The following KDM1B variants were observed in gnomAD, a reference collection of about 807,000 sequenced individuals.
KDM1B encodes lysine demethylase 1B, also known as lysine-specific histone demethylase 2.
Under a neutral mutation model 107.4 loss-of-function variants are expected in KDM1B, and 63 were observed. The observed-to-expected ratio is 0.59, with a 90% CI of 0.48 to 0.72. The LOEUF (loss-of-function observed/expected upper bound fraction) is 0.72. Ranked by LOEUF, KDM1B falls within the 30% of genes least tolerant of loss-of-function variation. The pLI is 0.00. For synonymous variants in KDM1B, 363 were observed against 363.9 expected (o/e 1.00, Z 0.03); for missense variants, 749 against 1,020.8 (o/e 0.73, Z 3.63).
chr6:18,160,738 A>T (rs1384432521), intron 3 of KDM1B, among the ~76,000 whole-genome samples: 1 of 59,688 alleles, frequency 1.7e-5, no homozygotes, highest in Non-Finnish European at 3.6e-5. Flanking sequence ...ACTCTGTCTC[A>T]AAAAAAAAAA....
In KDM1B at chr6:18,217,663, T is replaced by C. The variant is rs1303054590; in HGVS notation, c.2233-70T>C. 3 of 1,331,210 alleles carry C rather than the reference T, an allele frequency of 2.3e-6. No individual in the cohort carries two copies. The African/African-American group carries it at 4.4e-5, about 19-fold the overall frequency. The allele number at this position is 1,331,210 out of a possible 1,614,324, so 82.5% of individuals were successfully genotyped here. On this transcript the variant is annotated intron_variant, in intron 20 of 21. Coordinates refer to ENST00000650836, the MANE Select transcript of KDM1B (RefSeq NM_001364614.2). ...AAGTGCTGGGATGGGACTACAGGCA[T>C]GAGTCACTGCGCCCTGCCATCTACA...
rs1288768773 is a variant in KDM1B at position 18,159,037 on chromosome 6, G to A, written c.-13-846G>A. Among the ~76,000 whole-genome samples, 4 of 152,058 alleles carry A rather than the reference G, an allele frequency of 2.6e-5. No homozygotes were observed. Among genetic ancestry groups the A allele is most frequent in the Non-Finnish European group, 2.9e-5 (2 of 67,994 alleles). On this transcript the variant is annotated intron_variant, in intron 2 of 21. Coordinates refer to ENST00000650836, the MANE Select transcript of KDM1B (RefSeq NM_001364614.2). The surrounding 1 kb of genome is among the most constrained non-coding windows in gnomAD (Gnocchi z 4.5). ...GGCTGGAGTGCAGTAGCACAATCTC[G>A]GCTCACTGCAACCTCCGCCTCCCTG...
In KDM1B at chr6:18,186,219, A is replaced by T. The variant is rs1187176821; in HGVS notation, c.573+409A>T. Reference sequence around the variant, plus strand: ...TTCAGCTGCAGGAGTGTTCTTATGCATTCTGACCTCAGCATGTTGGCTTTG... The same window carrying T: ...TTCAGCTGCAGGAGTGTTCTTATGCTTTCTGACCTCAGCATGTTGGCTTTG... On this transcript the variant is annotated intron_variant, in intron 8 of 21. Transcript: ENST00000650836. This position sits in a 1 kb window ranked among gnomAD's most constrained non-coding sequence, Gnocchi z 5.6. 6.6e-6 allele frequency among the ~76,000 whole-genome samples: 1 copy of T among 152,138 alleles called. No homozygotes were observed. The highest frequency in any genetic ancestry group is 1.5e-5 in the Non-Finnish European group (1 of 68,034).
intron 7 of KDM1B, among the ~76,000 whole-genome samples, chr6:18,182,294 C>A (rs1582128548): frequency 1.3e-5 from 2 of 152,108 alleles, no homozygotes; most frequent in South Asian, 4.1e-4. Flanking sequence ...GAATCGATTA[C>A]TCTCCACAAC....
rs1472064586 is a variant in KDM1B, at chr6:18,191,595, A to AG, written c.969+214_969+215insG. ...TGGCTTCTACCCACTAGATTCCAGT[A>AG]ATGCTTCCCACCTGTGAAAACCAAA... On this transcript the variant is annotated intron_variant, in intron 10 of 21. Transcript: ENST00000650836. This position sits in a 1 kb window ranked among gnomAD's most constrained non-coding sequence, Gnocchi z 5.1. Among the ~76,000 whole-genome samples, 1 of 152,160 alleles carries AG rather than the reference A, an allele frequency of 6.6e-6. No homozygotes were observed. Among genetic ancestry groups the AG allele is most frequent in the Non-Finnish European group, 1.5e-5 (1 of 68,036 alleles).
rs1789966249 is a variant in KDM1B, at chr6:18,223,648, CT to C, written c.*1658del. ...AAGTATGGTAAATGTGTGTTTTAAA[CT>C]TCCTATCAAGTGACATACTTCATTT... On this transcript the variant is annotated 3_prime_UTR_variant, in exon 22 of 22. Coordinates refer to ENST00000650836, the MANE Select transcript of KDM1B (RefSeq NM_001364614.2). 6.6e-6 allele frequency: 1 copy of C among 152,116 alleles called. No homozygotes were observed. The highest frequency in any genetic ancestry group is 1.5e-5 in the Non-Finnish European group (1 of 68,036). The allele number at this position is 152,116 out of a possible 1,614,324, so 9.4% of individuals were successfully genotyped here. A position where few individuals can be genotyped will look rare whatever the true frequency, so the allele number is the denominator to read the frequency against.
Position 18,162,952 on chromosome 6 carries a change from C to T in KDM1B, c.305+28C>T. ...ATGTTCACTAATTGTGTGAGGTTTC[C>T]CTGGAGAAGGGGACCGTGGCAGGGG... On this transcript the variant is annotated intron_variant, in intron 5 of 21. Coordinates refer to ENST00000650836, the MANE Select transcript of KDM1B (RefSeq NM_001364614.2). This position sits in a 1 kb window ranked among gnomAD's most constrained non-coding sequence, Gnocchi z 4.1. 1.4e-6 allele frequency: 2 copies of T among 1,426,484 alleles called. 1 individual carries two copies. Among genetic ancestry groups the T allele is most frequent in the South Asian group, 2.3e-5 (2 of 87,082 alleles). 88.4% of individuals were successfully genotyped at this position (1,426,484 alleles called of 1,614,324 possible). A position where few individuals can be genotyped will look rare whatever the true frequency, so the allele number is the denominator to read the frequency against.
At chr6:18,215,636 A>G (rs1273196223) in intron 20 of KDM1B, among the ~76,000 whole-genome samples, 5 of 152,112 alleles carry the variant, frequency 3.3e-5, no homozygotes, top group Non-Finnish European at 7.4e-5. Context: ...GGGTGTCCAC[A>G]TGGGAATTTG....
At chr6:18,210,354 T>TTTTG (rs1788757580) in intron 17 of KDM1B, among the ~76,000 whole-genome samples, 1 of 47,670 alleles carries the variant, frequency 2.1e-5, no homozygotes, top group Non-Finnish European at 4.0e-5. Context: ...TTTTTTTTTT[T>TTTTG]TTTTTTTTTT....
Position 18,213,748 on chromosome 6 carries a change from G to A in KDM1B, c.2076G>A (p.Gly692=). 1 of 1,614,130 alleles carries A rather than the reference G, an allele frequency of 6.2e-7. No homozygotes were observed. The highest frequency in any genetic ancestry group is 8.5e-7 in the Non-Finnish European group (1 of 1,179,972). Residue 692 remains glycine, a synonymous_variant, in exon 19 of 22, where the codon GGG becomes GGA. Transcript: ENST00000650836. The surrounding 1 kb of genome is among the most constrained non-coding windows in gnomAD (Gnocchi z 5.9). The part of the protein sequence containing the change: ...GHVPPSASKR[G]LFAVFYDMDP... ...TTCCTCCCAGTGCCAGCAAGCGAGG[G>A]CTTTTTGCCGTGTTCTATGACATGG...
Position 18,197,260 on chromosome 6 carries a change from C to T in KDM1B, c.1146+27C>T. On this transcript the variant is annotated intron_variant, in intron 11 of 21. Transcript: ENST00000650836. The surrounding 1 kb of genome is among the most constrained non-coding windows in gnomAD (Gnocchi z 4.5). ...TAGGTGATTATAGCTTTAGCGATAG[C>T]CTTGCCATTGATCAGGACAAACGCT... The T allele has an allele frequency of 6.3e-7, 1 of 1,595,166 alleles. No homozygotes were observed. The highest frequency in any genetic ancestry group is 1.1e-5 in the South Asian group (1 of 90,196).
intron 6 of KDM1B, among the ~76,000 whole-genome samples, chr6:18,171,092 T>C (rs907917268): frequency 2.0e-5 from 3 of 152,172 alleles, no homozygotes; most frequent in African/African-American, 7.2e-5. Context: ...AGTGCTGGGA[T>C]TACAGGCGTG....
At position 18,197,568 on chromosome 6, in the gene KDM1B, T is replaced by C. The variant is rs13437266; in HGVS notation, c.1147-19T>C. On this transcript the variant is annotated intron_variant, in intron 11 of 21. Coordinates refer to ENST00000650836, the MANE Select transcript of KDM1B (RefSeq NM_001364614.2). This position sits in a 1 kb window ranked among gnomAD's most constrained non-coding sequence, Gnocchi z 4.5. Reference sequence around the variant, plus strand: ...TTATCATCTGCTCTAATTGGACTTTTGTTTCTTTTCTTTTTAAGAAATCAG... The same window carrying C: ...TTATCATCTGCTCTAATTGGACTTTCGTTTCTTTTCTTTTTAAGAAATCAG... 557 of 1,606,290 alleles carry C rather than the reference T, an allele frequency of 3.5e-4. 2 individuals carry two copies. The African/African-American group carries it at 6.3e-3, about 18-fold the overall frequency.
At position 18,205,712 on chromosome 6, in the gene KDM1B, G is replaced by A. The variant is rs1302031252; in HGVS notation, c.1659+48G>A. On this transcript the variant is annotated intron_variant, in intron 15 of 21. Coordinates refer to ENST00000650836, the MANE Select transcript of KDM1B (RefSeq NM_001364614.2). The surrounding 1 kb of genome is among the most constrained non-coding windows in gnomAD (Gnocchi z 5.7). ...GTGTGCTTTGAAAATACTTGGTTTA[G>A]GCCGGGCGCAGTGGCTCACGCCTGT... The A allele has an allele frequency of 2.8e-6, 4 of 1,447,670 alleles. No homozygotes were observed. In the South Asian group the frequency reaches 4.4e-5, roughly 16 times the overall value. 89.7% of individuals were successfully genotyped at this position (1,447,670 alleles called of 1,614,324 possible).
At chr6:18,180,982 C>A (rs1283944380) in intron 7 of KDM1B, among the ~76,000 whole-genome samples, 3 of 152,218 alleles carry the variant, frequency 2.0e-5, no homozygotes, top group Admixed American at 6.5e-5. Flanking sequence ...TTTGACTTTA[C>A]TAATTGTTTA....
At chr6:18,202,251 G>T (rs1341457881) in intron 14 of KDM1B, among the ~76,000 whole-genome samples, 4 of 151,522 alleles carry the variant, frequency 2.6e-5, no homozygotes, top group African/African-American at 9.7e-5. Context: ...AAAAGGGCGG[G>T]GGGCAAGCAT....
At chr6:18,218,548 A>C (rs1009653942) in intron 21 of KDM1B, among the ~76,000 whole-genome samples, 3 of 152,126 alleles carry the variant, frequency 2.0e-5, no homozygotes, top group Non-Finnish European at 4.4e-5. Context: ...CTTTTCATTA[A>C]ATTGGTATTG....
chr6:18,185,777 G>A lies in KDM1B; in HGVS notation c.540G>A (p.Glu180=). The change falls in exon 8 of 22, where the codon GAG becomes GAA. Residue 180 remains glutamate, a synonymous_variant. Transcript: ENST00000650836. The stretch of plus-strand genomic sequence containing the variant: ...CACTTGGTTTTCTTTTGTAGCCTGA[G>A]ACCTCAGATCATTGTTCCCTCCCAG... ...GMKPNTAIKP[E]TSDHCSLPED... 1 of 1,613,972 alleles carries A rather than the reference G, an allele frequency of 6.2e-7. No homozygotes were observed. The highest frequency in any genetic ancestry group is 8.5e-7 in the Non-Finnish European group (1 of 1,179,886).
At position 18,203,441 on chromosome 6, in the gene KDM1B, T is replaced by C. The variant is rs183119158; in HGVS notation, c.1531+1784T>C. Among the ~76,000 whole-genome samples the C allele has an allele frequency of 6.6e-6, 1 of 152,326 alleles. No homozygotes were observed. The highest frequency in any genetic ancestry group is 6.5e-5 in the Admixed American group (1 of 15,308). On this transcript the variant is annotated intron_variant, in intron 14 of 21. Coordinates refer to ENST00000650836, the MANE Select transcript of KDM1B (RefSeq NM_001364614.2). The surrounding 1 kb of genome is among the most constrained non-coding windows in gnomAD (Gnocchi z 5.5). Reference sequence around the variant, plus strand: ...ATATCCTGCCTGTTGGTATCTTAGCTGTCTGAGATCTCATCTTACCAGCAC... The same window carrying C: ...ATATCCTGCCTGTTGGTATCTTAGCCGTCTGAGATCTCATCTTACCAGCAC...
Sources: allele counts gnomAD v4.1 joint callset (sites outside exome capture counted in the v4.1 genomes callset), GRCh38; gene constraint gnomAD v4.1.1; non-coding constraint Gnocchi (gnomAD v3.1); transcripts MANE v1.5; gene names NCBI Gene and HGNC (gene_info 2026-07-23, HGNC 2026-07-21).